The following NPAS3 variants were observed in gnomAD, a reference collection of about 807,000 sequenced individuals.
NPAS3 encodes the protein neuronal PAS domain protein 3.
NPAS3 carries 14 observed loss-of-function variants against 73.1 expected under a neutral mutation model. The ratio of observed to expected loss-of-function variants is 0.19; its 90% confidence interval spans 0.13 to 0.30. The LOEUF (loss-of-function observed/expected upper bound fraction) is 0.30, where lower values mean the gene tolerates loss of function less well. Ranked by LOEUF, NPAS3 falls within the 10% of genes least tolerant of loss-of-function variation. The pLI is 1.00. For missense variants in NPAS3, 1,096 were observed against 1,250.0 expected (o/e 0.88, Z 1.86); for synonymous variants, 620 against 541.5 (o/e 1.14, Z -2.01).
At chr14:33,301,967 T>C (rs967966549) in intron 3 of NPAS3, among the ~76,000 whole-genome samples, 1 of 152,246 alleles carries the variant, frequency 6.6e-6, no homozygotes, top group African/African-American at 2.4e-5. Context: ...GGCCTATTTC[T>C]GACATGACTT....
At chr14:33,284,205 A>G (rs2041762676) in intron 3 of NPAS3, among the ~76,000 whole-genome samples, 1 of 152,178 alleles carries the variant, frequency 6.6e-6, no homozygotes, top group South Asian at 2.1e-4. Context: ...AGAAACTACA[A>G]TATTAGGGGA....
rs549358963 is a variant in NPAS3 at position 33,546,339 on chromosome 14, G to A, written c.469-13782G>A. On this transcript the variant is annotated intron_variant, in intron 4 of 11. Coordinates refer to ENST00000356141, the Ensembl canonical transcript of NPAS3. ...ATTTCAGCCCATGTCCTCCAACACC[G>A]CAACACTTCCTCTACCAGGCATCAC... Among the ~76,000 whole-genome samples, 33 of 152,266 alleles carry A rather than the reference G, an allele frequency of 2.2e-4. No homozygotes were observed. The South Asian group carries it at 5.2e-3, about 24-fold the overall frequency.
At chr14:33,030,500 T>C (rs1025919869) in intron 1 of NPAS3, among the ~76,000 whole-genome samples, 1 of 152,242 alleles carries the variant, frequency 6.6e-6, no homozygotes, top group African/African-American at 2.4e-5. Flanking sequence ...TGCGATTAGA[T>C]GATGACAGCT....
intron 3 of NPAS3, among the ~76,000 whole-genome samples, chr14:33,274,910 A>G (rs1446964806): frequency 6.6e-6 from 1 of 152,210 alleles, no homozygotes; most frequent in Non-Finnish European, 1.5e-5. Flanking sequence ...TTATCATTTC[A>G]TTAGTTGGAG....
intron 1 of NPAS3, among the ~76,000 whole-genome samples, chr14:33,016,794 A>G (rs960819636): frequency 2.6e-5 from 4 of 152,100 alleles, no homozygotes; most frequent in Non-Finnish European, 5.9e-5. Context: ...ATTTTTAAGC[A>G]TACTGTGTCA....
intron 2 of NPAS3, among the ~76,000 whole-genome samples, chr14:33,160,267 CA>C (rs2044815331): frequency 6.6e-6 from 1 of 152,024 alleles, no homozygotes; most frequent in Admixed American, 6.6e-5. Flanking sequence ...GTTTTAATTT[CA>C]TTGTCTTCAA....
At chr14:33,661,464 C>T (rs754233570) in intron 5 of NPAS3, among the ~76,000 whole-genome samples, 14 of 152,154 alleles carry the variant, frequency 9.2e-5, no homozygotes, top group African/African-American at 1.4e-4. Context: ...GTATTCTCTG[C>T]GCAATCACAG....
At chr14:33,689,673 G>A (rs1327213379) in intron 6 of NPAS3, among the ~76,000 whole-genome samples, 1 of 152,110 alleles carries the variant, frequency 6.6e-6, no homozygotes, top group African/African-American at 2.4e-5. Flanking sequence ...CCACTGAAGA[G>A]GAAATACTCT....
chr14:33,104,618 G>C (rs1021365658), intron 2 of NPAS3, among the ~76,000 whole-genome samples: 1 of 152,196 alleles, frequency 6.6e-6, no homozygotes, highest in Non-Finnish European at 1.5e-5. Flanking sequence ...TGCCTGTACT[G>C]ACGTAGTGTT....
intron 11 of NPAS3, among the ~76,000 whole-genome samples, chr14:33,799,208 G>C (rs1006385061): frequency 1.3e-5 from 2 of 152,076 alleles, no homozygotes; most frequent in South Asian, 2.1e-4. Context: ...TAAGTGCTGT[G>C]GGGGAGAATA....
At chr14:33,508,156 T>C (rs1239573666) in intron 4 of NPAS3, among the ~76,000 whole-genome samples, 2 of 152,224 alleles carry the variant, frequency 1.3e-5, no homozygotes, top group East Asian at 3.9e-4. Flanking sequence ...TCCTATGTTA[T>C]GGCAAAACCA....
intron 3 of NPAS3, among the ~76,000 whole-genome samples, chr14:33,246,728 C>G (rs1462569260): frequency 6.7e-6 from 1 of 149,058 alleles, no homozygotes; most frequent in Non-Finnish European, 1.5e-5. Context: ...CATGGTGGCT[C>G]AGGTCTGTAA....
intron 6 of NPAS3, among the ~76,000 whole-genome samples, chr14:33,705,200 C>G (rs1280008929): frequency 1.3e-5 from 2 of 152,146 alleles, no homozygotes; most frequent in Non-Finnish European, 2.9e-5. Flanking sequence ...GTTTTAGAAC[C>G]TTTCTTTCAC....
At chr14:33,549,780 C>T (rs12891042) in intron 4 of NPAS3, among the ~76,000 whole-genome samples, 92,243 of 151,930 alleles carry the variant, frequency 0.61, 28,246 homozygotes, top group African/African-American at 0.66. Flanking sequence ...TTACCTTCTT[C>T]ATAGACAACT....
intron 6 of NPAS3, among the ~76,000 whole-genome samples, chr14:33,732,486 A>G (rs2061425041): frequency 6.6e-6 from 1 of 152,190 alleles, no homozygotes; most frequent in Non-Finnish European, 1.5e-5. Context: ...ACCCATGGCC[A>G]TGGTGTGTGA....
At chr14:33,544,825 A>ATATATATAAAAT in intron 4 of NPAS3, among the ~76,000 whole-genome samples, 3 of 112,192 alleles carry the variant, frequency 2.7e-5, no homozygotes, top group African/African-American at 8.1e-5. Context: ...TATATAATAT[A>ATATATATAAAAT]TATGTGTATA....
chr14:33,725,733 C>T (rs189254747), intron 6 of NPAS3, among the ~76,000 whole-genome samples: 23 of 152,220 alleles, frequency 1.5e-4, no homozygotes, highest in African/African-American at 5.5e-4. Flanking sequence ...TCCTGGCTCC[C>T]ATCTCTAGAA....
intron 4 of NPAS3, among the ~76,000 whole-genome samples, chr14:33,551,191 G>T (rs2055095982): frequency 6.6e-6 from 1 of 152,114 alleles, no homozygotes; most frequent in African/African-American, 2.4e-5. Context: ...TTTCTCTGGA[G>T]ATACAAATAA....
chr14:33,409,671 A>G (rs2047832821), intron 4 of NPAS3, among the ~76,000 whole-genome samples: 1 of 152,218 alleles, frequency 6.6e-6, no homozygotes, highest in Non-Finnish European at 1.5e-5. Flanking sequence ...AGTAAGATTC[A>G]TTCATTAGCT....
Sources: gnomAD v4.1 joint callset for allele counts (sites outside exome capture counted in the v4.1 genomes callset) on GRCh38, gnomAD v4.1.1 for gene constraint, MANE v1.5 for transcripts, NCBI Gene and HGNC (gene_info 2026-07-23, HGNC 2026-07-21) for gene names.